Variants in GAS7 observed in about 807,000 individuals in gnomAD.
The protein encoded by GAS7 is growth arrest specific 7.
A neutral mutation model predicts 71.1 loss-of-function variants in GAS7; 28 were observed. The observed-to-expected ratio is 0.39, with a 90% CI of 0.29 to 0.54. GAS7 has a LOEUF of 0.54. Among genes scored for constraint, GAS7 ranks in the 20% least tolerant of loss-of-function variants. The probability of loss-of-function intolerance (pLI) is 0.62; values close to 1 mark genes in which losing one functional copy is unlikely to be tolerated. For missense variants in GAS7, 436 were observed against 627.8 expected (o/e 0.69, Z 3.27); for synonymous variants, 258 against 245.8 (o/e 1.05, Z -0.46).
chr17:10,113,451 T>A (rs1283165580), intron 1 of GAS7, among the ~76,000 whole-genome samples: 2 of 152,114 alleles, frequency 1.3e-5, no homozygotes, highest in Non-Finnish European at 2.9e-5. Flanking sequence ...TGCCCATTGG[T>A]GAAATGAGTG....
intron 1 of GAS7, among the ~76,000 whole-genome samples, chr17:10,048,422 T>G (rs113924493): frequency 6.6e-6 from 1 of 152,340 alleles, no homozygotes; most frequent in Admixed American, 6.5e-5. Context: ...TCCCTACCAA[T>G]GGCTAGAGAG....
chr17:10,141,501 C>T (rs1423852182), intron 1 of GAS7, among the ~76,000 whole-genome samples: 3 of 152,106 alleles, frequency 2.0e-5, no homozygotes, highest in African/African-American at 7.2e-5. Context: ...GAGACACACC[C>T]AGATTCCCAG....
intron 2 of GAS7, among the ~76,000 whole-genome samples, chr17:9,986,276 C>T (rs2070646171): frequency 6.6e-6 from 1 of 152,150 alleles, no homozygotes; most frequent in South Asian, 2.1e-4. Context: ...TGGCTGACAC[C>T]ATTGACCTTA....
At chr17:9,946,625 C>A (rs561176695) in intron 6 of GAS7, among the ~76,000 whole-genome samples, 2 of 152,272 alleles carry the variant, frequency 1.3e-5, no homozygotes, top group Non-Finnish European at 2.9e-5. Flanking sequence ...CACTGAGCAT[C>A]GGAGAAAATG....
At chr17:9,991,936 T>G (rs2070858914) in intron 2 of GAS7, among the ~76,000 whole-genome samples, 1 of 152,088 alleles carries the variant, frequency 6.6e-6, no homozygotes, top group African/African-American at 2.4e-5. Context: ...GCACAGGTGT[T>G]TGGCAAAGCT....
chr17:10,006,763 C>T (rs1407123269), intron 2 of GAS7, among the ~76,000 whole-genome samples: 1 of 152,098 alleles, frequency 6.6e-6, no homozygotes, highest in African/African-American at 2.4e-5. Flanking sequence ...ATAAGACCTG[C>T]CATTACATCC....
chr17:10,031,272 C>G (rs1267739022), intron 1 of GAS7, among the ~76,000 whole-genome samples: 2 of 152,208 alleles, frequency 1.3e-5, no homozygotes, highest in Admixed American at 6.5e-5. Context: ...ACAATAGACT[C>G]TGTATTTTCT....
At chr17:10,005,232 T>C (rs1444075856) in intron 2 of GAS7, among the ~76,000 whole-genome samples, 156 of 139,946 alleles carry the variant, frequency 1.1e-3, no homozygotes, top group African/African-American at 4.6e-3. Flanking sequence ...CATGTATGTG[T>C]ATGTGCGCGC....
In GAS7 at chr17:10,062,091, G is replaced by A. The variant is rs548843992; in HGVS notation, c.184-42194C>T. Among the ~76,000 whole-genome samples, 39 of 152,318 alleles carry A rather than the reference G, an allele frequency of 2.6e-4. 1 individual carries two copies. The highest frequency in any genetic ancestry group is 1.0e-4 in the Non-Finnish European group (7 of 68,024). On this transcript the variant is annotated intron_variant, in intron 1 of 13. Coordinates refer to ENST00000432992, the MANE Select transcript of GAS7 (RefSeq NM_201433.2). ...TTGGTTCCCGGTGCCCCCGACCCAG[G>A]TGCATGTCCACGGAGGGATCAAGCT...
At chr17:10,197,079 T>C (rs1397214826) in intron 1 of GAS7, among the ~76,000 whole-genome samples, 1 of 152,202 alleles carries the variant, frequency 6.6e-6, no homozygotes, top group African/African-American at 2.4e-5. Context: ...TCTAATGTAC[T>C]TTTATAAGGC....
At chr17:9,967,004 T>G (rs1597570837) in intron 4 of GAS7, among the ~76,000 whole-genome samples, 1 of 152,164 alleles carries the variant, frequency 6.6e-6, no homozygotes, top group Non-Finnish European at 1.5e-5. Context: ...CCTCTCCATA[T>G]ACTACATGAT....
intron 1 of GAS7, among the ~76,000 whole-genome samples, chr17:10,063,477 C>T (rs1395861295): frequency 6.6e-6 from 1 of 152,248 alleles, no homozygotes; most frequent in East Asian, 1.9e-4. Context: ...GAAGCAGCAG[C>T]TCCGGCAAAA....
intron 1 of GAS7, among the ~76,000 whole-genome samples, chr17:10,095,467 C>T (rs147406590): frequency 2.6e-3 from 396 of 152,194 alleles, no homozygotes; most frequent in African/African-American, 9.1e-3. Context: ...TGGCCTGTGG[C>T]AGTGGAATTT....
chr17:10,084,071 G>A (rs1003208244), intron 1 of GAS7, among the ~76,000 whole-genome samples: 15 of 152,260 alleles, frequency 9.9e-5, no homozygotes, highest in East Asian at 3.9e-4. Flanking sequence ...GGGAGGCTGC[G>A]GCATGAGGAT....
rs562573778 is a variant in GAS7, at chr17:9,911,044, T to C, written c.*6184A>G. The C allele has an allele frequency of 4.3e-6, 1 of 232,972 alleles. No homozygotes were observed. The highest frequency in any genetic ancestry group is 2.2e-5 in the African/African-American group (1 of 45,274). 14.4% of individuals were successfully genotyped at this position (232,972 alleles called of 1,614,324 possible). A position where few individuals can be genotyped will look rare whatever the true frequency, so the allele number is the denominator to read the frequency against. On this transcript the variant is annotated 3_prime_UTR_variant, in exon 14 of 14. Coordinates refer to ENST00000432992, the MANE Select transcript of GAS7 (RefSeq NM_201433.2). This position sits in a 1 kb window ranked among gnomAD's most constrained non-coding sequence, Gnocchi z 4.0. Reference sequence around the variant, plus strand: ...CGATGTGCTCGTGTCTGTGAAGGGGTTGCTTCCGGTCATCTCCTTCCTAAC... The same window carrying C: ...CGATGTGCTCGTGTCTGTGAAGGGGCTGCTTCCGGTCATCTCCTTCCTAAC...
chr17:10,103,306 A>C lies in GAS7; in HGVS notation c.184-83409T>G, dbSNP rs1163549782. The stretch of plus-strand genomic sequence containing the variant: ...CTGCAGTGAGAGCTGTGACTGTAAC[A>C]CTGTACTCCATCCAGTCTGGGTGAT... On this transcript the variant is annotated intron_variant, in intron 1 of 13. Transcript: ENST00000432992. This position sits in a 1 kb window ranked among gnomAD's most constrained non-coding sequence, Gnocchi z 5.5. 6.6e-6 allele frequency among the ~76,000 whole-genome samples: 1 copy of C among 151,994 alleles called. No individual in the cohort carries two copies. The highest frequency in any genetic ancestry group is 1.9e-4 in the East Asian group (1 of 5,160).
At chr17:10,121,704 T>C (rs1177141210) in intron 1 of GAS7, among the ~76,000 whole-genome samples, 1 of 152,208 alleles carries the variant, frequency 6.6e-6, no homozygotes, top group Non-Finnish European at 1.5e-5. Context: ...TTTGTTCACC[T>C]GTGGGTTGAG....
intron 1 of GAS7, among the ~76,000 whole-genome samples, chr17:10,041,158 TAAA>T (rs563870890): frequency 8.6e-6 from 1 of 116,796 alleles, no homozygotes; most frequent in Non-Finnish European, 1.8e-5. Flanking sequence ...CAAGACTGCC[TAAA>T]AAAAAAAAAA....
chr17:10,184,441 A>T (rs555906057), intron 1 of GAS7, among the ~76,000 whole-genome samples: 1 of 152,352 alleles, frequency 6.6e-6, no homozygotes, highest in Non-Finnish European at 1.5e-5. Flanking sequence ...GTAGCCTCAT[A>T]TAATCCACTT....
Sources: gnomAD v4.1 joint callset for allele counts (sites outside exome capture counted in the v4.1 genomes callset) on GRCh38, gnomAD v4.1.1 for gene constraint, Gnocchi (gnomAD v3.1) non-coding constraint, MANE v1.5 for transcripts, NCBI Gene and HGNC (gene_info 2026-07-23, HGNC 2026-07-21) for gene names.